The following DDX4 variants were observed in gnomAD, a reference collection of about 807,000 sequenced individuals.
The protein encoded by DDX4 is DEAD-box helicase 4.
DDX4 carries 25 observed loss-of-function variants against 100.0 expected under a neutral mutation model. That is an observed-to-expected ratio of 0.25 (90% confidence interval 0.18 to 0.35). The LOEUF is 0.35. Ranked by LOEUF, DDX4 falls within the 10% of genes least tolerant of loss-of-function variation. DDX4 has a pLI of 1.00. For synonymous variants in DDX4, 259 were observed against 275.7 expected, an observed-to-expected ratio of 0.94 and a Z score of 0.60; for missense variants, 635 against 882.4, an observed-to-expected ratio of 0.72 and a Z score of 3.55.
chr5:55,754,103 T>A, intron 3 of DDX4, among the ~76,000 whole-genome samples: 2 of 148,026 alleles, frequency 1.4e-5, no homozygotes, highest in South Asian at 4.5e-4. Flanking sequence ...AGATATACAA[T>A]CATGTTGTCT....
intron 7 of DDX4, among the ~76,000 whole-genome samples, chr5:55,776,903 A>G (rs760699456): frequency 1.3e-5 from 2 of 151,102 alleles, no homozygotes; most frequent in African/African-American, 2.4e-5. Flanking sequence ...AATAATGACT[A>G]TTAATTTAGG....
At chr5:55,775,445 G>T (rs1424552189) in intron 7 of DDX4, among the ~76,000 whole-genome samples, 1 of 152,058 alleles carries the variant, frequency 6.6e-6, no homozygotes, top group Non-Finnish European at 1.5e-5. Context: ...AAATTCCCTG[G>T]GTTGCTTCAA....
intron 7 of DDX4, among the ~76,000 whole-genome samples, chr5:55,772,206 G>A (rs770549066): frequency 3.3e-5 from 5 of 152,042 alleles, no homozygotes; most frequent in South Asian, 2.1e-4. Context: ...GAGAGACTCC[G>A]TCTAAAACAA....
At chr5:55,807,193 C>T (rs561894453) in intron 18 of DDX4, among the ~76,000 whole-genome samples, 1 of 152,144 alleles carries the variant, frequency 6.6e-6, no homozygotes, top group Non-Finnish European at 1.5e-5. Flanking sequence ...TCCTCCATCC[C>T]TTTATTTTGA....
At chr5:55,785,898 A>C (rs373046396) in intron 13 of DDX4, 27 bp downstream of exon 13, 30 of 1,539,952 alleles carry the variant, frequency 1.9e-5, no homozygotes, top group Non-Finnish European at 2.6e-5. Flanking sequence ...TTTCTGTATT[A>C]GCTATGTAGC....
intron 10 of DDX4, among the ~76,000 whole-genome samples, chr5:55,783,462 C>T (rs62361902): frequency 0.15 from 22,715 of 151,950 alleles, 2,282 homozygotes; most frequent in Middle Eastern, 0.22. Flanking sequence ...ACAGATTACT[C>T]GTTATCTAAA....
At position 55,787,813 on chromosome 5, in the gene DDX4, A is replaced by G. The variant is rs374536363; in HGVS notation, c.1018-33A>G. The G allele has an allele frequency of 1.4e-4, 217 of 1,605,890 alleles. No homozygotes were observed. The African/African-American group carries it at 2.6e-3, about 19-fold the overall frequency. ...TCCATAGGGATAAAAGTGTTGTGCT[A>G]TAAGTTTGTAAACTAAGCAACTTAA... is the stretch of plus-strand genomic sequence containing the variant. On this transcript the variant is annotated intron_variant, in intron 14 of 21. Transcript: ENST00000505374.
At chr5:55,797,608 T>C (rs1743045648) in intron 17 of DDX4, among the ~76,000 whole-genome samples, 1 of 152,224 alleles carries the variant, frequency 6.6e-6, no homozygotes, top group Non-Finnish European at 1.5e-5. Flanking sequence ...AGGACTCAGC[T>C]GGTAAATAAG....
intron 17 of DDX4, among the ~76,000 whole-genome samples, chr5:55,795,021 A>G (rs1277175688): frequency 1.3e-5 from 2 of 150,190 alleles, no homozygotes; most frequent in Non-Finnish European, 3.0e-5. Flanking sequence ...GCTAGAGTAC[A>G]ATGGCACGAT....
chr5:55,765,406 AAAAAAAAATATAT>A (rs1740835571), intron 6 of DDX4, among the ~76,000 whole-genome samples: 1 of 121,002 alleles, frequency 8.3e-6, no homozygotes, highest in African/African-American at 3.4e-5. Context: ...AAAAAAAAAA[AAAAAAAAATATAT>A]ATATATATAT....
At chr5:55,800,752 ATATACTTCTG>A (rs1336696084) in intron 18 of DDX4, among the ~76,000 whole-genome samples, 18 of 152,116 alleles carry the variant, frequency 1.2e-4, no homozygotes, top group Non-Finnish European at 5.9e-5. Context: ...AGCACTATTG[ATATACTTCTG>A]TATTATTTAA....
chr5:55,797,741 C>T (rs1354301467), intron 17 of DDX4, among the ~76,000 whole-genome samples: 3 of 152,180 alleles, frequency 2.0e-5, no homozygotes, highest in African/African-American at 7.2e-5. Context: ...TGATCTAAAG[C>T]AAGACTTCTC....
intron 6 of DDX4, among the ~76,000 whole-genome samples, chr5:55,764,795 T>G (rs2111826386): frequency 6.6e-6 from 1 of 152,318 alleles, no homozygotes; most frequent in East Asian, 1.9e-4. Context: ...TTCCATAGAA[T>G]GGAAGGTATT....
intron 19 of DDX4, among the ~76,000 whole-genome samples, chr5:55,814,081 A>G (rs1025840855): frequency 5.9e-5 from 9 of 152,186 alleles, no homozygotes; most frequent in Non-Finnish European, 2.9e-5. Context: ...CTGGCCCCTT[A>G]TCAAATTTTC....
intron 5 of DDX4, among the ~76,000 whole-genome samples, chr5:55,763,751 CATGTGCATACAGAGGAGT>C (rs1009713893): frequency 4.6e-5 from 7 of 152,016 alleles, no homozygotes; most frequent in Non-Finnish European, 8.8e-5. Flanking sequence ...CTGTTTTGCC[CATGTGCATACAGAGGAGT>C]ATATGACAAT....
At chr5:55,741,515 C>G (rs745569235) in intron 2 of DDX4, among the ~76,000 whole-genome samples, 38 of 152,098 alleles carry the variant, frequency 2.5e-4, no homozygotes, top group Non-Finnish European at 5.4e-4. Context: ...TGGCCAGGTG[C>G]GGTGGTTCAT....
At chr5:55,800,324 GTTTT>G (rs776992728) in intron 18 of DDX4, among the ~76,000 whole-genome samples, 1 of 137,430 alleles carries the variant, frequency 7.3e-6, no homozygotes, top group African/African-American at 2.7e-5. Context: ...GTCACCTTAA[GTTTT>G]TTTTTTTTTT....
intron 7 of DDX4, among the ~76,000 whole-genome samples, chr5:55,773,468 G>A (rs1274063891): frequency 1.3e-5 from 2 of 152,110 alleles, no homozygotes; most frequent in African/African-American, 4.8e-5. Context: ...TTGAGGAACT[G>A]CCAAATTATT....
At position 55,807,274 on chromosome 5, in the gene DDX4, C is replaced by G. The variant is rs1237306539; in HGVS notation, c.1616-6399C>G. ...ACACTGATGGGTCTTGACTCTTTAT[C>G]CAGTTTGCCAGTCTTTGTCTTTTAA... On this transcript the variant is annotated intron_variant, in intron 18 of 21. Coordinates refer to ENST00000505374, the MANE Select transcript of DDX4 (RefSeq NM_024415.3). Among the ~76,000 whole-genome samples, 2 of 152,158 alleles carry G rather than the reference C, an allele frequency of 1.3e-5. 1 individual carries two copies. Among genetic ancestry groups the G allele is most frequent in the African/African-American group, 4.8e-5 (2 of 41,430 alleles).
Sources: gnomAD v4.1 joint callset for allele counts (sites outside exome capture counted in the v4.1 genomes callset) on GRCh38, gnomAD v4.1.1 for gene constraint, MANE v1.5 for transcripts, NCBI Gene and HGNC (gene_info 2026-07-23, HGNC 2026-07-21) for gene names.